The following PPIP5K1 variants were observed in gnomAD, a reference collection of about 807,000 sequenced individuals.
PPIP5K1 encodes inositol hexakisphosphate and diphosphoinositol-pentakisphosphate kinase 1.
Under a neutral mutation model 27.7 loss-of-function variants are expected in PPIP5K1, and 6 were observed. The ratio of observed to expected loss-of-function variants is 0.22; its 90% CI spans 0.12 to 0.43. The LOEUF is 0.43. Ranked by LOEUF, PPIP5K1 falls within the 20% of genes least tolerant of loss-of-function variation. The pLI is 1.00. For synonymous variants in PPIP5K1, 145 were observed against 242.6 expected (o/e 0.60, Z 3.74); for missense variants, 394 against 635.4 (o/e 0.62, Z 4.08).
At chr15:43,539,828 T>C (rs1032073734) in intron 30 of PPIP5K1, among the ~76,000 whole-genome samples, 4 of 152,180 alleles carry the variant, frequency 2.6e-5, no homozygotes, top group African/African-American at 7.2e-5. Context: ...CATATACCCG[T>C]CTCCTAGATT....
At chr15:43,549,851 GC>G (rs1352848563) in intron 30 of PPIP5K1, among the ~76,000 whole-genome samples, 1 of 151,932 alleles carries the variant, frequency 6.6e-6, no homozygotes, top group Non-Finnish European at 1.5e-5. Flanking sequence ...TATGCCTATA[GC>G]CCCAGCTATT....
At position 43,533,680 on chromosome 15, in the gene PPIP5K1, G is replaced by A. The variant is rs1277215493; in HGVS notation, c.*994C>T. 6.6e-6 allele frequency: 1 copy of A among 151,964 alleles called. No homozygotes were observed. The highest frequency in any genetic ancestry group is 1.5e-5 in the Non-Finnish European group (1 of 67,968). The allele number at this position is 151,964 out of a possible 1,614,324, so 9.4% of individuals were successfully genotyped here. On this transcript the variant is annotated 3_prime_UTR_variant, in exon 32 of 32. Coordinates refer to ENST00000420765, the MANE Select transcript of PPIP5K1 (RefSeq NM_001394395.1). ...TTGGTCTTTGGCCAGTCTGTCCCTG[G>A]CACAACTACAGAAATAAATATATAT... is the stretch of plus-strand genomic sequence containing the variant.
In PPIP5K1 at chr15:43,535,471, T is replaced by C; in HGVS notation, c.3676A>G (p.Ser1226Gly). 1 of 1,563,778 alleles carries C rather than the reference T, an allele frequency of 6.4e-7. No homozygotes were observed. Among genetic ancestry groups the C allele is most frequent in the Non-Finnish European group, 8.6e-7 (1 of 1,158,560 alleles). Residue 1226 changes from serine to glycine, a missense_variant, in exon 32 of 32, where the codon AGT becomes GGT. By Grantham distance (56) the Ser-to-Gly change is moderately conservative. Around this residue, in one of 4 missense-constraint regions of PPIP5K1, gnomAD observed 379 missense variants for 423.9 expected, o/e 0.89. Coordinates refer to ENST00000420765, the MANE Select transcript of PPIP5K1 (RefSeq NM_001394395.1). ...QRSEKPPWYS[S>G]GPSSTVSSAG... ...CTGGACACAGTGCTAGAAGGGCCAC[T>C]GCTGTCTGTAAAGCAAAGTCAAGAG...
intron 30 of PPIP5K1, among the ~76,000 whole-genome samples, chr15:43,556,210 T>C (rs2082922726): frequency 1.3e-5 from 2 of 151,950 alleles, no homozygotes; most frequent in Non-Finnish European, 1.5e-5. Flanking sequence ...GTCCCAGCTA[T>C]TCGGGAGGCT....
chr15:43,541,155 C>T lies in PPIP5K1; in HGVS notation c.3557-1572G>A, dbSNP rs149786635. Among the ~76,000 whole-genome samples, 682 of 152,114 alleles carry T rather than the reference C, an allele frequency of 4.5e-3. 7 individuals are homozygous for T. The highest frequency in any genetic ancestry group is 0.016 in the African/African-American group (670 of 41,520). On this transcript the variant is annotated intron_variant, in intron 30 of 31. Transcript: ENST00000420765. Reference sequence around the variant, plus strand: ...TTTTGAGACAGGGTCTCGCTGTCACCCAGGCTGGAGTGCAGTGGTGTGATC... The same window carrying T: ...TTTTGAGACAGGGTCTCGCTGTCACTCAGGCTGGAGTGCAGTGGTGTGATC...
chr15:43,550,125 G>T (rs1009428239), intron 30 of PPIP5K1, among the ~76,000 whole-genome samples: 2 of 151,816 alleles, frequency 1.3e-5, no homozygotes, highest in African/African-American at 4.8e-5. Context: ...TTTGTGAGTT[G>T]ATCTTTCTTT....
At chr15:43,536,322 G>A (rs2079851816) in intron 31 of PPIP5K1, 2 of 275,562 alleles carry the variant, frequency 7.3e-6, no homozygotes, top group Non-Finnish European at 7.1e-6. Context: ...AGGAGGCTGA[G>A]GCAGGTGAAT....
intron 30 of PPIP5K1, 127 bp from the exon 31 acceptor site, chr15:43,539,710 C>T: frequency 1.6e-6 from 1 of 608,124 alleles, no homozygotes; most frequent in Non-Finnish European, 3.0e-6. Flanking sequence ...GTAGCATTTC[C>T]TGGGGACCCT....
chr15:43,544,945 G>C (rs1053251047), intron 30 of PPIP5K1, among the ~76,000 whole-genome samples: 1 of 152,188 alleles, frequency 6.6e-6, no homozygotes, highest in Non-Finnish European at 1.5e-5. Context: ...TTGGGAGGCA[G>C]AGGTGGGCAG....
intron 30 of PPIP5K1, among the ~76,000 whole-genome samples, chr15:43,558,237 T>C (rs1255778862): frequency 1.3e-5 from 2 of 151,292 alleles, no homozygotes; most frequent in Non-Finnish European, 3.0e-5. Context: ...TTGTATTTTT[T>C]TTTTTTTTTG....
chr15:43,579,496 CAT>C lies in PPIP5K1; in HGVS notation c.1062-378_1062-377del, dbSNP rs1318614379. On this transcript the variant is annotated intron_variant, in intron 10 of 31. Coordinates refer to ENST00000420765, the MANE Select transcript of PPIP5K1 (RefSeq NM_001394395.1). ...ACATGTATGCGCATATAGATACACA[CAT>C]ATGTGTATATAGATGCACATATGTG... is the stretch of plus-strand genomic sequence containing the variant. Among the ~76,000 whole-genome samples the C allele has an allele frequency of 7.1e-4, 70 of 98,288 alleles. 3 individuals carry two copies. The highest frequency in any genetic ancestry group is 3.6e-3 in the South Asian group (11 of 3,030). The allele number at this position is 98,288 out of a possible 152,430, so 64.5% of individuals were successfully genotyped here.
intron 30 of PPIP5K1, among the ~76,000 whole-genome samples, chr15:43,544,906 T>C (rs529790371): frequency 1.7e-4 from 26 of 152,246 alleles, no homozygotes; most frequent in African/African-American, 5.3e-4. Context: ...GGGCCGGGCG[T>C]GGTGGCTCAC....
chr15:43,560,933 TG>T (rs1479981433), intron 28 of PPIP5K1, among the ~76,000 whole-genome samples: 3 of 151,714 alleles, frequency 2.0e-5, no homozygotes, highest in African/African-American at 7.3e-5. Context: ...GTTTTGCGGC[TG>T]GGAGTCTTGA....
At position 43,557,825 on chromosome 15, in the gene PPIP5K1, T is replaced by C. The variant is rs565411871; in HGVS notation, c.3556+970A>G. On this transcript the variant is annotated intron_variant, in intron 30 of 31. Transcript: ENST00000420765. Reference sequence around the variant, plus strand: ...GACTACAGGCACACACCACCATGCATAGCCTTTTTTTTTTTTTTTTTTTCT... The same window carrying C: ...GACTACAGGCACACACCACCATGCACAGCCTTTTTTTTTTTTTTTTTTTCT... Among the ~76,000 whole-genome samples the C allele has an allele frequency of 2.1e-3, 307 of 144,532 alleles. 3 individuals carry two copies. Among genetic ancestry groups the C allele is most frequent in the Non-Finnish European group, 9.1e-4 (60 of 66,016 alleles). 94.8% of individuals were successfully genotyped at this position (144,532 alleles called of 152,430 possible).
intron 30 of PPIP5K1, among the ~76,000 whole-genome samples, chr15:43,551,177 T>C (rs1460193950): frequency 6.6e-6 from 1 of 152,154 alleles, no homozygotes; most frequent in Non-Finnish European, 1.5e-5. Flanking sequence ...AGTTCACCAG[T>C]GAAGCCATCT....
chr15:43,552,042 C>A (rs961232040), intron 30 of PPIP5K1, among the ~76,000 whole-genome samples: 1 of 151,936 alleles, frequency 6.6e-6, no homozygotes, highest in Non-Finnish European at 1.5e-5. Flanking sequence ...CAACCTCTCC[C>A]TTCCAGGCAT....
chr15:43,558,766 G>A, intron 30 of PPIP5K1, 29 bp downstream of exon 30: 2 of 1,611,874 alleles, frequency 1.2e-6, no homozygotes, highest in Non-Finnish European at 1.7e-6. Flanking sequence ...GGGGCAGAGA[G>A]AAGGGTAAAA....
At chr15:43,545,891 AT>A (rs1218681301) in intron 30 of PPIP5K1, among the ~76,000 whole-genome samples, 2 of 151,958 alleles carry the variant, frequency 1.3e-5, no homozygotes, top group African/African-American at 2.4e-5. Flanking sequence ...GTTCCAAAAC[AT>A]TTTCGTCACC....
intron 30 of PPIP5K1, among the ~76,000 whole-genome samples, chr15:43,551,625 C>A (rs528632707): frequency 4.3e-4 from 22 of 51,486 alleles, no homozygotes; most frequent in Middle Eastern, 0.012. Context: ...TTTTTTGAGA[C>A]GGAGTCTCGC....
Sources: allele counts gnomAD v4.1 joint callset (sites outside exome capture counted in the v4.1 genomes callset), GRCh38; gene constraint gnomAD v4.1.1; regional missense constraint gnomAD v4.1.1; transcripts MANE v1.5; gene names NCBI Gene and HGNC (gene_info 2026-07-23, HGNC 2026-07-21).